Variants in SNX29 observed in about 807,000 individuals in gnomAD.
SNX29 encodes sorting nexin-29.
SNX29 carries 78 observed loss-of-function variants against 102.1 expected under a neutral mutation model. The observed-to-expected ratio is 0.76, with a 90% CI of 0.64 to 0.92. The LOEUF is 0.92. Ranked by LOEUF, SNX29 falls within the 40% of genes least tolerant of loss-of-function variation. The pLI is 0.00. For missense variants in SNX29, 1,280 were observed against 1,061.7 expected (o/e 1.21, Z -2.86); for synonymous variants, 580 against 414.5 (o/e 1.40, Z -4.85).
chr16:12,510,023 T>C (rs986784035), intron 19 of SNX29, among the ~76,000 whole-genome samples: 2 of 152,262 alleles, frequency 1.3e-5, no homozygotes, highest in Non-Finnish European at 2.9e-5. Context: ...ATTCTTTGGC[T>C]TGGTTCGCCC....
At chr16:12,477,928 T>G in intron 19 of SNX29, 69 bp downstream of exon 19, 1 of 1,486,984 alleles carries the variant, frequency 6.7e-7, no homozygotes, top group Non-Finnish European at 8.9e-7. Flanking sequence ...TTCTTCTTCT[T>G]TAGTCCGTTG....
intron 15 of SNX29, among the ~76,000 whole-genome samples, chr16:12,288,410 A>G (rs1427834483): frequency 6.6e-6 from 1 of 152,204 alleles, no homozygotes; most frequent in African/African-American, 2.4e-5. Flanking sequence ...TACAAATGTG[A>G]CTGCAAAACT....
intron 11 of SNX29, chr16:12,087,981 C>T (rs1317489889): frequency 8.8e-6 from 4 of 456,610 alleles, no homozygotes; most frequent in Non-Finnish European, 1.3e-5. Context: ...TGGCTAGACC[C>T]TGTGCAGGGG....
chr16:12,380,848 ATCTATCCATCCACCC>A (rs2083086754), intron 16 of SNX29, among the ~76,000 whole-genome samples: 1 of 15,998 alleles, frequency 6.3e-5, no homozygotes, highest in Non-Finnish European at 1.5e-4. Flanking sequence ...CCCACCCACC[ATCTATCCATCCACCC>A]ACCATCTATC....
rs962421088 is a variant in SNX29, at chr16:12,544,908, G to C, written c.2318+20067G>C. Among the ~76,000 whole-genome samples, 4 of 152,194 alleles carry C rather than the reference G, an allele frequency of 2.6e-5. 1 individual carries two copies. The highest frequency in any genetic ancestry group is 3.9e-4 in the East Asian group (2 of 5,190). On this transcript the variant is annotated intron_variant, in intron 20 of 20. Transcript: ENST00000566228. Reference sequence around the variant, plus strand: ...GTGGTCAGTGGGCCAGTAATCAATAGTCATTAGATGTTATCATCATCCCTT... The same window carrying C: ...GTGGTCAGTGGGCCAGTAATCAATACTCATTAGATGTTATCATCATCCCTT...
chr16:12,247,013 A>G (rs1320201299), intron 14 of SNX29, among the ~76,000 whole-genome samples: 1 of 152,146 alleles, frequency 6.6e-6, no homozygotes, highest in East Asian at 1.9e-4. Context: ...TCAGAGAGTG[A>G]GGGGAGCAGG....
intron 10 of SNX29, among the ~76,000 whole-genome samples, chr16:12,073,135 AT>A (rs1303667378): frequency 6.6e-6 from 1 of 151,560 alleles, no homozygotes; most frequent in Non-Finnish European, 1.5e-5. Context: ...GGATTCATTA[AT>A]TTTTTGAAGG....
At chr16:12,560,510 G>A (rs796199014) in intron 20 of SNX29, among the ~76,000 whole-genome samples, 8 of 152,200 alleles carry the variant, frequency 5.3e-5, no homozygotes, top group African/African-American at 1.9e-4. Context: ...CGCCTGTCCT[G>A]CCCTCCACCT....
chr16:12,484,485 A>C (rs927474861), intron 19 of SNX29, among the ~76,000 whole-genome samples: 2 of 152,250 alleles, frequency 1.3e-5, no homozygotes, highest in Admixed American at 6.5e-5. Flanking sequence ...CCCTCCAGTG[A>C]CACCCCTGGT....
At chr16:12,327,599 A>G (rs1317179977) in intron 15 of SNX29, among the ~76,000 whole-genome samples, 1 of 152,110 alleles carries the variant, frequency 6.6e-6, no homozygotes, top group East Asian at 1.9e-4. Flanking sequence ...TTACCTCCTT[A>G]AAGCCTCTGT....
rs1205123449 is a variant in SNX29 at position 12,096,667 on chromosome 16, G to C, written c.1402+17752G>C. On this transcript the variant is annotated intron_variant, in intron 11 of 20. Coordinates refer to ENST00000566228, the MANE Select transcript of SNX29 (RefSeq NM_032167.5). This position sits in a 1 kb window ranked among gnomAD's most constrained non-coding sequence, Gnocchi z 4.2. The stretch of plus-strand genomic sequence containing the variant: ...GGAGGCAATGGGGTCATGTGGGAGT[G>C]ATGTACTCTTTGTTATCTGTGGCAC... Among the ~76,000 whole-genome samples the C allele has an allele frequency of 6.6e-6, 1 of 152,218 alleles. No individual in the cohort carries two copies. Among genetic ancestry groups the C allele is most frequent in the Non-Finnish European group, 1.5e-5 (1 of 68,048 alleles).
At chr16:12,102,754 A>T (rs1033569516) in intron 11 of SNX29, among the ~76,000 whole-genome samples, 1 of 152,236 alleles carries the variant, frequency 6.6e-6, no homozygotes, top group African/African-American at 2.4e-5. Flanking sequence ...TCAGATAGGA[A>T]GAGTAGAAGT....
At chr16:12,032,310 C>T (rs1158846393) in intron 4 of SNX29, among the ~76,000 whole-genome samples, 3 of 151,328 alleles carry the variant, frequency 2.0e-5, no homozygotes, top group East Asian at 1.9e-4. Context: ...TGGGTTCAAG[C>T]GATTCTCCTG....
rs766739102 is a variant in SNX29 at position 12,096,110 on chromosome 16, A to G, written c.1402+17195A>G. ...GGGCAGTGGCCGTTAAATCGGCTGCAGTCTGAGCCCCCTGCCCCTTAACTG... is the reference window on the plus strand; with the variant it reads ...GGGCAGTGGCCGTTAAATCGGCTGCGGTCTGAGCCCCCTGCCCCTTAACTG... On this transcript the variant is annotated intron_variant, in intron 11 of 20. Coordinates refer to ENST00000566228, the MANE Select transcript of SNX29 (RefSeq NM_032167.5). The surrounding 1 kb of genome is among the most constrained non-coding windows in gnomAD (Gnocchi z 4.2). Among the ~76,000 whole-genome samples, 4 of 152,252 alleles carry G rather than the reference A, an allele frequency of 2.6e-5. No individual in the cohort carries two copies. The highest frequency in any genetic ancestry group is 4.4e-5 in the Non-Finnish European group (3 of 68,048).
chr16:12,463,940 T>G (rs958043553), intron 18 of SNX29, among the ~76,000 whole-genome samples: 1 of 151,616 alleles, frequency 6.6e-6, no homozygotes, highest in African/African-American at 2.4e-5. Context: ...CATGCTGTCA[T>G]CAGATCCACA....
intron 19 of SNX29, among the ~76,000 whole-genome samples, chr16:12,507,422 C>T (rs919468600): frequency 6.6e-5 from 10 of 152,218 alleles, no homozygotes; most frequent in African/African-American, 1.2e-4. Context: ...TCCCCAATTC[C>T]GTTTTCCATA....
chr16:12,253,256 T>C (rs980167741), intron 14 of SNX29, among the ~76,000 whole-genome samples: 1 of 152,084 alleles, frequency 6.6e-6, no homozygotes, highest in African/African-American at 2.4e-5. Context: ...TCATAGCACC[T>C]TTCAATACTG....
At chr16:12,250,185 A>G (rs914003014) in intron 14 of SNX29, among the ~76,000 whole-genome samples, 1 of 152,212 alleles carries the variant, frequency 6.6e-6, no homozygotes, top group African/African-American at 2.4e-5. Flanking sequence ...GTGGAGGAGC[A>G]TGTGCAAAGG....
chr16:12,011,400 G>A (rs1458942231), intron 3 of SNX29, among the ~76,000 whole-genome samples: 1 of 151,034 alleles, frequency 6.6e-6, no homozygotes, highest in Non-Finnish European at 1.5e-5. Flanking sequence ...CTCAGCCTCC[G>A]AGTAGCTGGG....
Sources: gnomAD v4.1 joint callset for allele counts (sites outside exome capture counted in the v4.1 genomes callset) on GRCh38, gnomAD v4.1.1 for gene constraint, Gnocchi (gnomAD v3.1) non-coding constraint, MANE v1.5 for transcripts, NCBI Gene and HGNC (gene_info 2026-07-23, HGNC 2026-07-21) for gene names.